The following FRAS1 variants were observed in gnomAD, a reference collection of about 807,000 sequenced individuals.
FRAS1 encodes Fraser extracellular matrix complex subunit 1, also known as extracellular matrix organizing protein FRAS1.
Under a neutral mutation model 435.2 loss-of-function variants are expected in FRAS1, and 290 were observed. The observed-to-expected ratio is 0.67, with a 90% CI of 0.61 to 0.73. FRAS1 has a LOEUF of 0.73. Among genes scored for constraint, FRAS1 ranks in the 30% least tolerant of loss-of-function variants. The probability of loss-of-function intolerance (pLI) is 0.00; values close to 1 mark genes in which losing one functional copy is unlikely to be tolerated. For synonymous variants in FRAS1, 1,800 were observed against 1,851.0 expected (o/e 0.97, Z 0.71); for missense variants, 4,860 against 5,001.5 (o/e 0.97, Z 0.85).
chr4:78,227,617 G>A (rs1724331594), intron 2 of FRAS1, among the ~76,000 whole-genome samples: 1 of 152,240 alleles, frequency 6.6e-6, no homozygotes, highest in African/African-American at 2.4e-5. Flanking sequence ...TAGAGGAAGA[G>A]TTAGGGATTG....
chr4:78,505,198 T>C (rs554097368), intron 61 of FRAS1, among the ~76,000 whole-genome samples: 3 of 152,278 alleles, frequency 2.0e-5, no homozygotes, highest in Non-Finnish European at 2.9e-5. Flanking sequence ...CTGACAATTA[T>C]GTGTTTTGGG....
intron 67 of FRAS1, among the ~76,000 whole-genome samples, chr4:78,521,228 G>T (rs556431781): frequency 6.6e-6 from 1 of 152,058 alleles, no homozygotes; most frequent in South Asian, 2.1e-4. Context: ...ATAGTAAGAA[G>T]TTTTAAGATT....
intron 14 of FRAS1, among the ~76,000 whole-genome samples, chr4:78,302,864 A>G (rs1256316566): frequency 6.6e-6 from 1 of 152,198 alleles, no homozygotes; most frequent in Non-Finnish European, 1.5e-5. Flanking sequence ...TAGTTTAATT[A>G]GATCCTATTT....
chr4:78,133,512 TA>T lies in FRAS1; in HGVS notation c.108+67507del, dbSNP rs113756389. The stretch of plus-strand genomic sequence containing the variant: ...ATTTAATTGTGCATCTTAAAATAAC[TA>T]AAAAAAAAAATTAGATTGTGTGTAA... On this transcript the variant is annotated intron_variant, in intron 2 of 73. Transcript: ENST00000512123. Among the ~76,000 whole-genome samples, 385 of 147,064 alleles carry T rather than the reference TA, an allele frequency of 2.6e-3. 6 individuals carry two copies. Among genetic ancestry groups the T allele is most frequent in the African/African-American group, 7.2e-3 (289 of 40,306 alleles).
intron 2 of FRAS1, among the ~76,000 whole-genome samples, chr4:78,076,330 T>C (rs111765175): frequency 6.6e-6 from 1 of 152,188 alleles, no homozygotes; most frequent in Non-Finnish European, 1.5e-5. Flanking sequence ...TCCTTTGATA[T>C]TGATGTTCAT....
chr4:78,372,638 A>G, intron 23 of FRAS1, 80 bp from the exon 24 acceptor site: 1 of 1,546,678 alleles, frequency 6.5e-7, no homozygotes, highest in Non-Finnish European at 8.8e-7. Context: ...TTGCAGCTGC[A>G]GACAGAGTCC....
intron 4 of FRAS1, among the ~76,000 whole-genome samples, chr4:78,246,742 TG>T (rs769912037): frequency 4.5e-4 from 45 of 100,910 alleles, no homozygotes; most frequent in Non-Finnish European, 9.2e-4. Flanking sequence ...GTCCAGGATC[TG>T]GGGGAAAAAA....
At chr4:78,529,723 C>T (rs370503339) in intron 70 of FRAS1, among the ~76,000 whole-genome samples, 10 of 152,146 alleles carry the variant, frequency 6.6e-5, no homozygotes, top group East Asian at 1.9e-4. Context: ...TACTAAGTGA[C>T]TAACAAATGG....
intron 22 of FRAS1, among the ~76,000 whole-genome samples, chr4:78,366,718 T>C (rs1731284552): frequency 6.6e-6 from 1 of 152,220 alleles, no homozygotes; most frequent in African/African-American, 2.4e-5. Flanking sequence ...ACTTTTTCAC[T>C]GTCCTCCTGC....
intron 2 of FRAS1, among the ~76,000 whole-genome samples, chr4:78,095,952 A>C (rs920352943): frequency 2.6e-5 from 4 of 152,202 alleles, no homozygotes; most frequent in African/African-American, 9.7e-5. Context: ...GTCTTACCTC[A>C]TTCCAACATT....
intron 61 of FRAS1, among the ~76,000 whole-genome samples, chr4:78,505,767 C>T (rs544066373): frequency 2.4e-4 from 36 of 152,232 alleles, no homozygotes; most frequent in African/African-American, 8.2e-4. Flanking sequence ...ATCTTTGTTC[C>T]GTTGCTGGTG....
At position 78,387,615 on chromosome 4, in the gene FRAS1, G is replaced by A; in HGVS notation, c.3889G>A (p.Asp1297Asn). 1.2e-6 allele frequency: 2 copies of A among 1,612,380 alleles called. No homozygotes were observed. Among genetic ancestry groups the A allele is most frequent in the Non-Finnish European group, 1.7e-6 (2 of 1,178,756 alleles). The stretch of plus-strand genomic sequence containing the variant: ...TCTCCACTATGCTCATGATGGTTCA[G>A]ACAGCACATCCGATGTTGCAGTCTT... ...GLLHYAHDGS[D>N]STSDVAVLQA... Residue 1297 changes from aspartate (D) to asparagine (N), a missense_variant, in exon 29 of 74, where the codon GAC becomes AAC. By Grantham distance (23) the Asp-to-Asn change is conservative (BLOSUM62 1). Transcript: ENST00000512123.
intron 64 of FRAS1, among the ~76,000 whole-genome samples, chr4:78,512,078 T>G (rs1005858779): frequency 6.6e-6 from 1 of 152,208 alleles, no homozygotes; most frequent in Non-Finnish European, 1.5e-5. Context: ...GAGGCACTCC[T>G]AAATATCTAC....
chr4:78,412,647 A>G lies in FRAS1; in HGVS notation c.4309-322A>G, dbSNP rs534808230. Among the ~76,000 whole-genome samples, 5 of 152,324 alleles carry G rather than the reference A, an allele frequency of 3.3e-5. No homozygotes were observed. In the East Asian group the frequency reaches 7.7e-4, roughly 23 times the overall value. ...AGTAAAAAATTATAATATGTAATTG[A>G]TATGTGTGCATATAAAATAAGTTAA... On this transcript the variant is annotated intron_variant, in intron 31 of 73. Coordinates refer to ENST00000512123, the MANE Select transcript of FRAS1 (RefSeq NM_025074.7).
chr4:78,278,717 T>C lies in FRAS1; in HGVS notation c.1044T>C (p.Tyr348=). The change falls in exon 10 of 74, where the codon TAT becomes TAC. Residue 348 remains tyrosine (Y), a synonymous_variant. Coordinates refer to ENST00000512123, the MANE Select transcript of FRAS1 (RefSeq NM_025074.7). ...CCPECISRNG[Y]CVYEETGEFM... is the part of the protein sequence containing the mutation. The stretch of plus-strand genomic sequence containing the variant: ...CTGAATGCATTTCAAGGAATGGTTA[T>C]TGTGTTTATGAAGAAACTGGAGAAT... 1 of 1,603,594 alleles carries C rather than the reference T, an allele frequency of 6.2e-7. No homozygotes were observed. Among genetic ancestry groups the C allele is most frequent in the Non-Finnish European group, 8.5e-7 (1 of 1,171,256 alleles).
At chr4:78,120,152 G>A (rs1287931242) in intron 2 of FRAS1, among the ~76,000 whole-genome samples, 2 of 152,178 alleles carry the variant, frequency 1.3e-5, no homozygotes, top group African/African-American at 2.4e-5. Flanking sequence ...TCTTTAAAAT[G>A]CACACTGATT....
intron 23 of FRAS1, among the ~76,000 whole-genome samples, chr4:78,371,525 T>C (rs55763205): frequency 0.43 from 64,930 of 152,114 alleles, 16,064 homozygotes; most frequent in Non-Finnish European, 0.56. Context: ...TATTTCATTT[T>C]ATTCTTCACA....
chr4:78,333,548 A>C, intron 19 of FRAS1, 136 bp downstream of exon 19: 2 of 878,664 alleles, frequency 2.3e-6, no homozygotes. Flanking sequence ...GAACTTGCAG[A>C]TTCAAAGTAT....
At chr4:78,459,075 T>C (rs897757880) in intron 47 of FRAS1, among the ~76,000 whole-genome samples, 1 of 152,218 alleles carries the variant, frequency 6.6e-6, no homozygotes, top group African/African-American at 2.4e-5. Flanking sequence ...GTGAGTGGCA[T>C]GTGTTTAAAA....
Sources: gnomAD v4.1 joint callset for allele counts (sites outside exome capture counted in the v4.1 genomes callset) on GRCh38, gnomAD v4.1.1 for gene constraint, MANE v1.5 for transcripts, NCBI Gene and HGNC (gene_info 2026-07-23, HGNC 2026-07-21) for gene names.